Variants in SH3PXD2A observed in about 807,000 individuals in gnomAD.
SH3PXD2A encodes the protein SH3 and PX domains 2A.
SH3PXD2A carries 32 observed loss-of-function variants against 115.2 expected under a neutral mutation model. The observed-to-expected ratio is 0.28, with a 90% CI of 0.21 to 0.37. The LOEUF (loss-of-function observed/expected upper bound fraction) is 0.37. Ranked by LOEUF, SH3PXD2A falls within the 10% of genes least tolerant of loss-of-function variation. The pLI, the probability that SH3PXD2A is intolerant of heterozygous loss-of-function variation, is 1.00. For missense variants in SH3PXD2A, 1,328 were observed against 1,498.7 expected, an observed-to-expected ratio of 0.89 and a Z score of 1.88; for synonymous variants, 610 against 629.1, an observed-to-expected ratio of 0.97 and a Z score of 0.45.
chr10:103,657,879 A>G (rs542728345), intron 8 of SH3PXD2A, among the ~76,000 whole-genome samples: 2 of 152,292 alleles, frequency 1.3e-5, no homozygotes, highest in East Asian at 3.9e-4. Flanking sequence ...TCTCGCCTCA[A>G]CCTACAGCAT....
At chr10:103,705,095 G>C (rs528640621) in intron 5 of SH3PXD2A, among the ~76,000 whole-genome samples, 72 of 152,264 alleles carry the variant, frequency 4.7e-4, no homozygotes, top group South Asian at 8.3e-4. Flanking sequence ...TCCTGGGCCA[G>C]CTCAGCTGCA....
intron 1 of SH3PXD2A, among the ~76,000 whole-genome samples, chr10:103,843,046 A>G (rs1404557013): frequency 6.6e-6 from 1 of 152,216 alleles, no homozygotes; most frequent in Non-Finnish European, 1.5e-5. Flanking sequence ...CAAAATCAAG[A>G]AGGATGATAA....
In SH3PXD2A at chr10:103,811,584, T is replaced by A. The variant is rs190406240; in HGVS notation, c.73-10222A>T. 1.3e-3 allele frequency among the ~76,000 whole-genome samples: 195 copies of A among 152,308 alleles called. 1 individual carries two copies. Among genetic ancestry groups the A allele is most frequent in the Non-Finnish European group, 2.4e-4 (16 of 68,032 alleles). On this transcript the variant is annotated intron_variant, in intron 1 of 14. Coordinates refer to ENST00000369774, the MANE Select transcript of SH3PXD2A (RefSeq NM_001394015.1). ...GATTCAAATGCAGCCATTCACTCTA[T>A]ATCCTGAACTCTTTGTCTTCTTTAA...
At chr10:103,749,440 A>G (rs2038548039) in intron 3 of SH3PXD2A, among the ~76,000 whole-genome samples, 1 of 152,222 alleles carries the variant, frequency 6.6e-6, no homozygotes, top group African/African-American at 2.4e-5. Flanking sequence ...TGGCTTACAG[A>G]CAGCCTAGCA....
chr10:103,735,610 C>G (rs528347918), intron 4 of SH3PXD2A, 122 bp downstream of exon 4: 1 of 780,866 alleles, frequency 1.3e-6, no homozygotes, highest in African/African-American at 1.7e-5. Flanking sequence ...CCAGGAAACA[C>G]CAGGCCTCAG....
At chr10:103,704,741 CT>C (rs1363790105) in intron 5 of SH3PXD2A, among the ~76,000 whole-genome samples, 2 of 152,170 alleles carry the variant, frequency 1.3e-5, no homozygotes, top group African/African-American at 4.8e-5. Context: ...GCAGGGCGGC[CT>C]GGGGGCTTCC....
Position 103,617,309 on chromosome 10 carries a change from TCTC to T in SH3PXD2A, c.805_807del (p.Glu269del), listed in dbSNP as rs759321660. 1.2e-6 allele frequency: 2 copies of T among 1,612,150 alleles called. No homozygotes were observed. The highest frequency in any genetic ancestry group is 1.1e-5 in the South Asian group (1 of 91,044). On this transcript the variant is annotated inframe_deletion and splice_region_variant, in exon 11 of 15. Transcript: ENST00000369774. ...GTGTAAGGCTGCACGGTGACATACT[TCTC>T]CTCTGGGGGTGGGAGCAAGCAAGCA...
chr10:103,661,903 C>T (rs1203224269), intron 7 of SH3PXD2A: 1 of 985,252 alleles, frequency 1.0e-6, no homozygotes, highest in Admixed American at 6.1e-5. Flanking sequence ...GCGAGCCCAG[C>T]CCGCCCCCCG....
At chr10:103,698,542 C>A (rs991741397) in intron 5 of SH3PXD2A, among the ~76,000 whole-genome samples, 3 of 152,192 alleles carry the variant, frequency 2.0e-5, no homozygotes, top group Admixed American at 6.5e-5. Flanking sequence ...CCAGCAGTCA[C>A]TGGGGACATG....
rs2038964830 is a variant in SH3PXD2A, at chr10:103,784,735, G to GA, written c.153+16546dup. ...GGGTGGAGGAGGAAGAAGAGGAAAA[G>GA]AAAGGGGAGGAGGAGGAGAAGTAAG... On this transcript the variant is annotated intron_variant, in intron 2 of 14. Coordinates refer to ENST00000369774, the MANE Select transcript of SH3PXD2A (RefSeq NM_001394015.1). This position sits in a 1 kb window ranked among gnomAD's most constrained non-coding sequence, Gnocchi z 4.4. Among the ~76,000 whole-genome samples the GA allele has an allele frequency of 6.6e-6, 1 of 151,262 alleles. No homozygotes were observed. Among genetic ancestry groups the GA allele is most frequent in the Non-Finnish European group, 1.5e-5 (1 of 67,888 alleles).
chr10:103,729,589 G>A (rs953265618), intron 4 of SH3PXD2A, among the ~76,000 whole-genome samples: 7 of 152,226 alleles, frequency 4.6e-5, no homozygotes, highest in South Asian at 2.1e-4. Context: ...ATTGCCCTGC[G>A]GGGCTGCTGG....
At chr10:103,654,877 C>T (rs553598426) in intron 8 of SH3PXD2A, among the ~76,000 whole-genome samples, 4 of 152,180 alleles carry the variant, frequency 2.6e-5, no homozygotes, top group Admixed American at 6.5e-5. Flanking sequence ...TTCTCTAACA[C>T]GAAGTCCATG....
chr10:103,850,306 C>T (rs1450685220), intron 1 of SH3PXD2A, among the ~76,000 whole-genome samples: 1 of 152,156 alleles, frequency 6.6e-6, no homozygotes, highest in Non-Finnish European at 1.5e-5. Flanking sequence ...TCACTCAGCT[C>T]AACACAGGGT....
intron 5 of SH3PXD2A, among the ~76,000 whole-genome samples, chr10:103,707,026 C>A (rs1182368949): frequency 2.0e-5 from 3 of 152,168 alleles, no homozygotes; most frequent in Non-Finnish European, 2.9e-5. Flanking sequence ...TTGCTAATGT[C>A]CTGCACTATT....
chr10:103,657,444 T>C (rs2037228220), intron 8 of SH3PXD2A, among the ~76,000 whole-genome samples: 1 of 152,188 alleles, frequency 6.6e-6, no homozygotes, highest in South Asian at 2.1e-4. Context: ...TTATGCACTT[T>C]TGCTTATGTC....
rs565907752 is a variant in SH3PXD2A, at chr10:103,795,813, G to A, written c.153+5469C>T. ...CAATGTGTCCCAGAGCTGGCACACC[G>A]CCTGGATGTACAAGGCAGACACTTA... On this transcript the variant is annotated intron_variant, in intron 2 of 14. Transcript: ENST00000369774. Among the ~76,000 whole-genome samples the A allele has an allele frequency of 6.6e-5, 10 of 151,800 alleles. No homozygotes were observed. The South Asian group carries it at 1.9e-3, about 29-fold the overall frequency.
chr10:103,594,996 G>C lies in SH3PXD2A; in HGVS notation c.*6820C>G, dbSNP rs1158656239. ...ACCCATTGTGGTCACTGCTCTTTGA[G>C]CCATACAACTTGAGAGACTGGCTTT... On this transcript the variant is annotated 3_prime_UTR_variant, in exon 15 of 15. Transcript: ENST00000369774. 1 of 152,210 alleles carries C rather than the reference G, an allele frequency of 6.6e-6. No homozygotes were observed. The highest frequency in any genetic ancestry group is 2.4e-5 in the African/African-American group (1 of 41,428). The allele number at this position is 152,210 out of a possible 1,614,324, so 9.4% of individuals were successfully genotyped here. A position where few individuals can be genotyped will look rare whatever the true frequency, so the allele number is the denominator to read the frequency against.
intron 13 of SH3PXD2A, chr10:103,610,131 T>C (rs1482962919): frequency 6.6e-6 from 1 of 152,280 alleles, no homozygotes; most frequent in African/African-American, 2.4e-5. Context: ...CAGTTGAAAC[T>C]GAGCTGAGGC....
chr10:103,769,718 C>T (rs913536185), intron 2 of SH3PXD2A, among the ~76,000 whole-genome samples: 1 of 152,102 alleles, frequency 6.6e-6, no homozygotes, highest in Non-Finnish European at 1.5e-5. Flanking sequence ...CGGTGTGAGC[C>T]ACGGCGCCTG....
Sources: allele counts gnomAD v4.1 joint callset (sites outside exome capture counted in the v4.1 genomes callset), GRCh38; gene constraint gnomAD v4.1.1; non-coding constraint Gnocchi (gnomAD v3.1); transcripts MANE v1.5; gene names NCBI Gene and HGNC (gene_info 2026-07-23, HGNC 2026-07-21).